DOCK3: variants seen among roughly 807,000 people sequenced by gnomAD.
The protein encoded by DOCK3 is dedicator of cytokinesis 3.
DOCK3 carries 60 observed loss-of-function variants against 265.6 expected under a neutral mutation model. That is an observed-to-expected ratio of 0.23 (90% CI 0.18 to 0.28). The LOEUF (loss-of-function observed/expected upper bound fraction) is 0.28, where lower values mean the gene tolerates loss of function less well. Ranked by LOEUF, DOCK3 falls within the 10% of genes least tolerant of loss-of-function variation. DOCK3 has a pLI of 1.00. For missense variants in DOCK3, 1,981 were observed against 2,594.3 expected (o/e 0.76, Z 5.14); for synonymous variants, 881 against 938.0 (o/e 0.94, Z 1.11).
intron 2 of DOCK3, among the ~76,000 whole-genome samples, chr3:50,828,849 G>A (rs1378888889): frequency 1.3e-5 from 2 of 152,124 alleles, no homozygotes; most frequent in Admixed American, 6.5e-5. Flanking sequence ...GAGTAGGTGG[G>A]ATTACAGGCA....
intron 12 of DOCK3, among the ~76,000 whole-genome samples, chr3:51,169,104 G>T (rs1323956325): frequency 1.3e-5 from 2 of 152,210 alleles, no homozygotes; most frequent in Non-Finnish European, 2.9e-5. Flanking sequence ...TGGTGAAGTT[G>T]CAGAGAAGAG....
At chr3:51,110,448 C>T (rs185474552) in intron 9 of DOCK3, among the ~76,000 whole-genome samples, 1 of 152,226 alleles carries the variant, frequency 6.6e-6, no homozygotes, top group Non-Finnish European at 1.5e-5. Context: ...AAAATACTAG[C>T]AAACCAAATC....
chr3:51,208,438 A>G (rs1046242789), intron 12 of DOCK3, among the ~76,000 whole-genome samples: 2 of 152,212 alleles, frequency 1.3e-5, no homozygotes, highest in East Asian at 1.9e-4. Flanking sequence ...CTCTATCAAG[A>G]ACTTTCCTCT....
intron 1 of DOCK3, among the ~76,000 whole-genome samples, chr3:50,690,724 C>A (rs573108044): frequency 5.3e-5 from 8 of 151,306 alleles, no homozygotes; most frequent in African/African-American, 1.7e-4. Flanking sequence ...CTCACTGCAA[C>A]CTCTGCCTCC....
intron 1 of DOCK3, among the ~76,000 whole-genome samples, chr3:50,729,130 G>T (rs971448005): frequency 1.4e-5 from 2 of 147,180 alleles, no homozygotes; most frequent in African/African-American, 4.9e-5. Flanking sequence ...AGACCAGCCT[G>T]CGCAACATGG....
chr3:51,106,613 G>A (rs185530205), intron 9 of DOCK3, among the ~76,000 whole-genome samples: 6 of 152,288 alleles, frequency 3.9e-5, no homozygotes, highest in Admixed American at 3.3e-4. Context: ...AGGGGTGCTG[G>A]CATAAAACTA....
intron 1 of DOCK3, among the ~76,000 whole-genome samples, chr3:50,677,758 G>A (rs1397556130): frequency 6.6e-6 from 1 of 152,202 alleles, no homozygotes; most frequent in African/African-American, 2.4e-5. Context: ...ATTTGACATT[G>A]ATAAGGCTTT....
intron 5 of DOCK3, among the ~76,000 whole-genome samples, chr3:50,937,931 G>A (rs2051478194): frequency 6.6e-6 from 1 of 151,860 alleles, no homozygotes; most frequent in South Asian, 2.1e-4. Flanking sequence ...ATAGAGTTTA[G>A]CAGAATTGTA....
intron 9 of DOCK3, among the ~76,000 whole-genome samples, chr3:51,117,775 G>A (rs1560085805): frequency 1.3e-5 from 2 of 152,128 alleles, no homozygotes; most frequent in East Asian, 1.9e-4. Context: ...TTCTCTGATA[G>A]TAGTTTGTAT....
intron 5 of DOCK3, among the ~76,000 whole-genome samples, chr3:51,055,921 G>T (rs2081185567): frequency 6.6e-6 from 1 of 152,182 alleles, no homozygotes; most frequent in Admixed American, 6.5e-5. Context: ...ACTCTATAAT[G>T]GAGGATGTAT....
At chr3:51,236,299 T>C (rs1430268814) in intron 19 of DOCK3, 46 bp from the exon 20 acceptor site, 3 of 1,413,396 alleles carry the variant, frequency 2.1e-6, no homozygotes, top group Non-Finnish European at 3.0e-6. Context: ...AGTTTGTGCG[T>C]GTAAGGTCCT....
At chr3:50,981,913 G>A (rs2077707689) in intron 5 of DOCK3, among the ~76,000 whole-genome samples, 1 of 152,052 alleles carries the variant, frequency 6.6e-6, no homozygotes, top group African/African-American at 2.4e-5. Flanking sequence ...GCATTGGCAC[G>A]ATCTTGGCTC....
chr3:51,382,409 A>AG lies in DOCK3; in HGVS notation c.*855dup, dbSNP rs781807317. 6.6e-6 allele frequency: 1 copy of AG among 152,554 alleles called. No homozygotes were observed. The highest frequency in any genetic ancestry group is 1.5e-5 in the Non-Finnish European group (1 of 68,048). 9.5% of individuals were successfully genotyped at this position (152,554 alleles called of 1,614,324 possible). A position where few individuals can be genotyped will look rare whatever the true frequency, so the allele number is the denominator to read the frequency against. On this transcript the variant is annotated 3_prime_UTR_variant, in exon 53 of 53. Transcript: ENST00000266037. ...AGGCTATCCTAGCTACCTTCCTCCT[A>AG]GGGGGAGCTGGTCCCCTTCCTATGT...
intron 5 of DOCK3, among the ~76,000 whole-genome samples, chr3:51,008,024 G>A (rs1388099749): frequency 6.6e-6 from 1 of 152,136 alleles, no homozygotes; most frequent in Non-Finnish European, 1.5e-5. Flanking sequence ...GGTTACTGTA[G>A]CCTTGTAGTA....
At chr3:51,021,961 G>A (rs1041646555) in intron 5 of DOCK3, among the ~76,000 whole-genome samples, 4 of 152,032 alleles carry the variant, frequency 2.6e-5, no homozygotes, top group African/African-American at 7.2e-5. Context: ...ACACCTGGCC[G>A]AGAATTTACA....
chr3:50,880,312 C>T (rs2047956058), intron 3 of DOCK3, among the ~76,000 whole-genome samples: 1 of 151,498 alleles, frequency 6.6e-6, no homozygotes, highest in Admixed American at 6.6e-5. Flanking sequence ...CACAAAAAAC[C>T]CTTCAAAAAA....
chr3:50,956,310 A>G (rs967386639), intron 5 of DOCK3, among the ~76,000 whole-genome samples: 1 of 152,246 alleles, frequency 6.6e-6, no homozygotes, highest in African/African-American at 2.4e-5. Flanking sequence ...TTAGAAGCAC[A>G]GGTATTTTAA....
In DOCK3 at chr3:50,896,766, T is replaced by C. The variant is rs574473198; in HGVS notation, c.218+6685T>C. On this transcript the variant is annotated intron_variant, in intron 4 of 52. Coordinates refer to ENST00000266037, the MANE Select transcript of DOCK3 (RefSeq NM_004947.5). Reference sequence around the variant, plus strand: ...TAGGCAATCATTTCCCCATTGCTTGTTTTTGTCAGGTTTGTCAAAGATCAG... The same window carrying C: ...TAGGCAATCATTTCCCCATTGCTTGCTTTTGTCAGGTTTGTCAAAGATCAG... Among the ~76,000 whole-genome samples the C allele has an allele frequency of 2.0e-5, 3 of 152,362 alleles. No homozygotes were observed. The East Asian group carries it at 5.8e-4, about 29-fold the overall frequency.
intron 9 of DOCK3, among the ~76,000 whole-genome samples, chr3:51,109,035 T>C (rs1408951888): frequency 6.6e-6 from 1 of 151,474 alleles, no homozygotes; most frequent in African/African-American, 2.5e-5. Context: ...ATGGATGTGA[T>C]AGACATCTAC....
Sources: gnomAD v4.1 joint callset for allele counts (sites outside exome capture counted in the v4.1 genomes callset) on GRCh38, gnomAD v4.1.1 for gene constraint, MANE v1.5 for transcripts, NCBI Gene and HGNC (gene_info 2026-07-23, HGNC 2026-07-21) for gene names.